The following ERI3 variants were observed in gnomAD, a reference collection of about 807,000 sequenced individuals.
ERI3 encodes the protein ERI1 exoribonuclease 3.
In ERI3, 18 loss-of-function variants were observed where a neutral mutation model predicts 44.4. The ratio of observed to expected loss-of-function variants is 0.41; its 90% confidence interval spans 0.28 to 0.60. The LOEUF is 0.60. ERI3 is among the 20% of genes least tolerant of loss of function. The pLI, the probability that ERI3 is intolerant of heterozygous loss-of-function variation, is 0.36. For synonymous variants in ERI3, 183 were observed against 164.8 expected (o/e 1.11, Z -0.84); for missense variants, 294 against 435.5 (o/e 0.68, Z 2.89).
At chr1:44,248,930 G>A (rs559208199) in intron 7 of ERI3, among the ~76,000 whole-genome samples, 69 of 151,990 alleles carry the variant, frequency 4.5e-4, no homozygotes, top group African/African-American at 1.3e-3. Context: ...CTCCACCTGG[G>A]GGGGGGACAC....
chr1:44,242,189 C>T (rs1016952631), intron 8 of ERI3: 3 of 958,210 alleles, frequency 3.1e-6, no homozygotes, highest in African/African-American at 1.8e-5. Flanking sequence ...CAGTAGTGTA[C>T]AGTAGTACTG....
intron 8 of ERI3, among the ~76,000 whole-genome samples, chr1:44,240,629 G>A (rs1037417801): frequency 1.3e-5 from 2 of 152,190 alleles, no homozygotes; most frequent in Non-Finnish European, 2.9e-5. Context: ...TTATCACGGG[G>A]TTTGAGAATT....
intron 7 of ERI3, among the ~76,000 whole-genome samples, chr1:44,258,770 G>A (rs1234770998): frequency 6.6e-6 from 1 of 152,164 alleles, no homozygotes; most frequent in Non-Finnish European, 1.5e-5. Context: ...AAGCAGATGA[G>A]TGGTACAAGA....
At chr1:44,351,596 T>C (rs948550020) in intron 2 of ERI3, among the ~76,000 whole-genome samples, 2 of 152,192 alleles carry the variant, frequency 1.3e-5, no homozygotes, top group Non-Finnish European at 2.9e-5. Context: ...GCCTAAATAT[T>C]TACTATCTTA....
intron 7 of ERI3, among the ~76,000 whole-genome samples, chr1:44,277,884 C>T (rs1645209928): frequency 6.6e-6 from 1 of 152,144 alleles, no homozygotes; most frequent in African/African-American, 2.4e-5. Context: ...CTGGGTCCTG[C>T]GAGGACTAGA....
At chr1:44,281,878 A>ATGTGTGTGTGTGTGTGTG (rs10574197) in intron 7 of ERI3, among the ~76,000 whole-genome samples, 3 of 126,966 alleles carry the variant, frequency 2.4e-5, no homozygotes, top group East Asian at 2.3e-4. Flanking sequence ...ACATGTGCAT[A>ATGTGTGTGTGTGTGTGTG]TGTGTGTGTG....
chr1:44,325,370 C>T (rs1330326229), intron 3 of ERI3, among the ~76,000 whole-genome samples: 1 of 152,110 alleles, frequency 6.6e-6, no homozygotes, highest in African/African-American at 2.4e-5. Flanking sequence ...CCACCACGCC[C>T]GGCCCCTGGC....
At chr1:44,237,773 C>T (rs1044964439) in intron 8 of ERI3, among the ~76,000 whole-genome samples, 4 of 152,204 alleles carry the variant, frequency 2.6e-5, no homozygotes, top group Admixed American at 6.5e-5. Context: ...AAAATCCATA[C>T]GTCTCCAGGC....
chr1:44,273,823 G>A (rs1645131161), intron 7 of ERI3, among the ~76,000 whole-genome samples: 1 of 152,194 alleles, frequency 6.6e-6, no homozygotes, highest in South Asian at 2.1e-4. Flanking sequence ...GAAAGGCGAT[G>A]TAAGAAAAGG....
Position 44,247,585 on chromosome 1 carries a change from C to T in ERI3, c.931+354G>A, listed in dbSNP as rs569164926. Among the ~76,000 whole-genome samples, 9 of 152,294 alleles carry T rather than the reference C, an allele frequency of 5.9e-5. No individual in the cohort carries two copies. The South Asian group carries it at 1.9e-3, about 32-fold the overall frequency. On this transcript the variant is annotated intron_variant, in intron 8 of 8. Coordinates refer to ENST00000372257, the MANE Select transcript of ERI3 (RefSeq NM_024066.3). Reference sequence around the variant, plus strand: ...CAGACTTCAAACAATATTAAACAGCCTCCTCCAGCTCCATGGGGGGTGGGT... The same window carrying T: ...CAGACTTCAAACAATATTAAACAGCTTCCTCCAGCTCCATGGGGGGTGGGT...
At chr1:44,233,970 A>T (rs1268840706) in intron 8 of ERI3, among the ~76,000 whole-genome samples, 1 of 152,172 alleles carries the variant, frequency 6.6e-6, no homozygotes, top group African/African-American at 2.4e-5. Flanking sequence ...ATTGATAGAC[A>T]ATTGGTGAAC....
chr1:44,354,926 G>T lies in ERI3; in HGVS notation c.101C>A (p.Thr34Asn), dbSNP rs1189231769. 6 of 1,329,140 alleles carry T rather than the reference G, an allele frequency of 4.5e-6. No individual in the cohort carries two copies. Among genetic ancestry groups the T allele is most frequent in the African/African-American group, 1.5e-5 (1 of 66,496 alleles). 82.3% of individuals were successfully genotyped at this position (1,329,140 alleles called of 1,614,324 possible). ...TTGCCCCCAACTCGGGCCCATCCAAGTCCAGGGGAGAGTAAGGGGAGGGGC... is the reference window on the plus strand; with the variant it reads ...TTGCCCCCAACTCGGGCCCATCCAATTCCAGGGGAGAGTAAGGGGAGGGGC... ...PPAPPLTLPW[T>N]WMGPSWGQHP... is the part of the protein sequence containing the mutation. Residue 34 changes from threonine (T) to asparagine (N), a missense_variant, in exon 1 of 9, where the codon ACT becomes AAT. This residue lies in a region of ERI3 where 107 missense variants were observed against 96.9 expected (regional missense o/e 1.10). Coordinates refer to ENST00000372257, the MANE Select transcript of ERI3 (RefSeq NM_024066.3).
At chr1:44,237,827 T>C (rs766790440) in intron 8 of ERI3, among the ~76,000 whole-genome samples, 5 of 152,158 alleles carry the variant, frequency 3.3e-5, no homozygotes, top group Non-Finnish European at 7.4e-5. Context: ...GAGGCATCCA[T>C]CAGGGGCTCC....
intron 6 of ERI3, among the ~76,000 whole-genome samples, chr1:44,293,540 T>TC (rs1254192559): frequency 6.6e-6 from 1 of 152,134 alleles, no homozygotes; most frequent in Non-Finnish European, 1.5e-5. Context: ...TGCTTCCAGA[T>TC]CCAGGCGAGG....
At chr1:44,227,442 C>T (rs1644072055) in intron 8 of ERI3, among the ~76,000 whole-genome samples, 1 of 152,192 alleles carries the variant, frequency 6.6e-6, no homozygotes, top group Non-Finnish European at 1.5e-5. Context: ...TCTGTCCAGA[C>T]ATCCTGGCAG....
At position 44,354,998 on chromosome 1, in the gene ERI3, C is replaced by A. The variant is rs756310457; in HGVS notation, c.29G>T (p.Gly10Val). Residue 10 changes from glycine (G) to valine (V), a missense_variant, in exon 1 of 9, where the codon GGG (glycine) becomes GTG (valine). By Grantham distance (109) the Gly-to-Val change is moderately radical (BLOSUM62 -3). This residue lies in a region of ERI3 where 107 missense variants were observed against 96.9 expected (regional missense o/e 1.10). Transcript: ENST00000372257. ...TCCTTCCCAGGGCCGCCCCCGCCCC[C>A]CGTCAGCAGCGGGAGAGGCTGTCGC... MATASPAAD[G>V]GRGRPWEGGL... 1 of 1,380,128 alleles carries A rather than the reference C, an allele frequency of 7.2e-7. No homozygotes were observed. Among genetic ancestry groups the A allele is most frequent in the East Asian group, 2.8e-5 (1 of 35,994 alleles). The allele number at this position is 1,380,128 out of a possible 1,614,324, so 85.5% of individuals were successfully genotyped here.
At chr1:44,284,721 G>A (rs1645356545) in intron 7 of ERI3, 114 bp downstream of exon 7, 1 of 779,614 alleles carries the variant, frequency 1.3e-6, no homozygotes, top group African/African-American at 1.7e-5. Context: ...TAAGAAAAGA[G>A]AAGAACAAAA....
chr1:44,245,904 T>C (rs1644546025), intron 8 of ERI3, among the ~76,000 whole-genome samples: 1 of 152,188 alleles, frequency 6.6e-6, no homozygotes, highest in African/African-American at 2.4e-5. Flanking sequence ...ACTGGTCCTC[T>C]TTGGTTCCTC....
rs989831854 is a variant in ERI3, at chr1:44,354,790, T to C, written c.135+102A>G. 35 of 1,283,440 alleles carry C rather than the reference T, an allele frequency of 2.7e-5. 1 individual carries two copies. The East Asian group carries it at 4.9e-4, about 18-fold the overall frequency. 79.5% of individuals were successfully genotyped at this position (1,283,440 alleles called of 1,614,324 possible). On this transcript the variant is annotated intron_variant, in intron 1 of 8. Transcript: ENST00000372257. ...TAAGTAAGCATCCAGGGTAAGCACA[T>C]GGGCCAGCACCCCAGGTTGCATAAA... is the stretch of plus-strand genomic sequence containing the variant.
Sources: gnomAD v4.1 joint callset for allele counts (sites outside exome capture counted in the v4.1 genomes callset) on GRCh38, gnomAD v4.1.1 for gene constraint, gnomAD v4.1.1 regional missense constraint, MANE v1.5 for transcripts, NCBI Gene and HGNC (gene_info 2026-07-23, HGNC 2026-07-21) for gene names.